Variants in ACTR6 observed in about 807,000 individuals in gnomAD.
The protein encoded by ACTR6 is actin-related protein 6.
A neutral mutation model predicts 52.5 loss-of-function variants in ACTR6; 50 were observed. That is an observed-to-expected ratio of 0.95 (90% CI 0.76 to 1.20). ACTR6 has a LOEUF of 1.20. Ranked by LOEUF, ACTR6 falls within the 50% of genes most tolerant of loss-of-function variation. The pLI is 0.00. For synonymous variants in ACTR6, 135 were observed against 147.2 expected (o/e 0.92, Z 0.60); for missense variants, 344 against 472.4 (o/e 0.73, Z 2.52).
Position 100,218,283 on chromosome 12 carries a change from A to C in ACTR6, c.751-132A>C, listed in dbSNP as rs2096125411. 3.6e-6 allele frequency: 2 copies of C among 562,278 alleles called. No individual in the cohort carries two copies. Among genetic ancestry groups the C allele is most frequent in the Non-Finnish European group, 5.1e-6 (2 of 393,680 alleles). 34.8% of individuals were successfully genotyped at this position (562,278 alleles called of 1,614,324 possible). On this transcript the variant is annotated intron_variant, in intron 8 of 10. Transcript: ENST00000188312. This position sits in a 1 kb window ranked among gnomAD's most constrained non-coding sequence, Gnocchi z 4.2. ...GCCACACATTCTTCTAAATTTTGAG[A>C]ATCCTGAAACTTCCAAGAACATTAT...
chr12:100,201,872 G>C (rs764997450), intron 1 of ACTR6, among the ~76,000 whole-genome samples: 9 of 151,818 alleles, frequency 5.9e-5, no homozygotes, highest in Non-Finnish European at 1.0e-4. Flanking sequence ...GTCTACCCGC[G>C]TTGGCCTCCC....
rs1203284906 is a variant in ACTR6 at position 100,220,050 on chromosome 12, G to A, written c.965G>A (p.Gly322Glu). Reference sequence around the variant, plus strand: ...TTTAAGAACATTGTCTTGACAGGAGGAAATTCCCTTTTCCCAGGATTTAGG... The same window carrying A: ...TTTAAGAACATTGTCTTGACAGGAGAAAATTCCCTTTTCCCAGGATTTAGG... ...HFFKNIVLTG[G>E]NSLFPGFRDR... The change falls in exon 10 of 11, where the codon GGA (glycine) becomes GAA (glutamate). Residue 322 changes from glycine (G) to glutamate (E), a missense_variant. Physicochemically the swap from Gly to Glu is moderately conservative, Grantham distance 98. Coordinates refer to ENST00000188312, the MANE Select transcript of ACTR6 (RefSeq NM_022496.5). The A allele has an allele frequency of 6.8e-6, 11 of 1,613,772 alleles. No individual in the cohort carries two copies. The highest frequency in any genetic ancestry group is 9.3e-6 in the Non-Finnish European group (11 of 1,179,938).
Position 100,207,050 on chromosome 12 carries a change from G to A in ACTR6, c.256-613G>A, listed in dbSNP as rs185823441. Among the ~76,000 whole-genome samples the A allele has an allele frequency of 2.8e-4, 42 of 151,754 alleles. No homozygotes were observed. The East Asian group carries it at 7.4e-3, about 27-fold the overall frequency. ...ATCATTCATTAATGTTTCTATAATT[G>A]TCTTTAAACAATTTTATGGTAACAT... is the stretch of plus-strand genomic sequence containing the variant. On this transcript the variant is annotated intron_variant, in intron 3 of 10. Coordinates refer to ENST00000188312, the MANE Select transcript of ACTR6 (RefSeq NM_022496.5).
Position 100,210,169 on chromosome 12 carries a change from C to G in ACTR6, c.476C>G (p.Pro159Arg), listed in dbSNP as rs752004612. The change falls in exon 5 of 11, where the codon CCT becomes CGT. Residue 159 changes from proline to arginine, a missense_variant. By Grantham distance (103) the Pro-to-Arg change is moderately radical. Coordinates refer to ENST00000188312, the MANE Select transcript of ACTR6 (RefSeq NM_022496.5). ...DSGYSFTHIVPYCRSKKKKEA... is the reference protein window; with the variant it reads ...DSGYSFTHIVRYCRSKKKKEA... ...GGATATTCCTTTACACATATAGTTC[C>G]TTATTGTAGAAGTAAAAAGAAAAAA... 6.2e-7 allele frequency: 1 copy of G among 1,606,126 alleles called. No individual in the cohort carries two copies. The highest frequency in any genetic ancestry group is 2.2e-5 in the East Asian group (1 of 44,754).
chr12:100,212,281 C>G lies in ACTR6; in HGVS notation c.598C>G (p.His200Asp), dbSNP rs953742921. The change falls in exon 7 of 11, where the codon CAT becomes GAT. Residue 200 changes from histidine to aspartate, a missense_variant. Physicochemically the swap from His to Asp is moderately conservative, Grantham distance 81. Coordinates refer to ENST00000188312, the MANE Select transcript of ACTR6 (RefSeq NM_022496.5). ...GCAGCTACATGTTATGGATGAAACA[C>G]ATGTGATTAATCAAGTGAAAGAAGA... Reference protein sequence around the residue: ...YRQLHVMDETHVINQVKEDVC... With the variant: ...YRQLHVMDETDVINQVKEDVC... 1 of 1,610,344 alleles carries G rather than the reference C, an allele frequency of 6.2e-7. No individual in the cohort carries two copies. Among genetic ancestry groups the G allele is most frequent in the African/African-American group, 1.3e-5 (1 of 74,798 alleles).
At position 100,223,949 on chromosome 12, in the gene ACTR6, G is replaced by C; in HGVS notation, c.*34G>C. ...TTTGAATGAAAGTTGTGACCATAAG[G>C]TTTAATTTCAAAGTTCCTTTTAAAA... On this transcript the variant is annotated 3_prime_UTR_variant, in exon 11 of 11. Transcript: ENST00000188312. 2 of 1,581,400 alleles carry C rather than the reference G, an allele frequency of 1.3e-6. No homozygotes were observed. Among genetic ancestry groups the C allele is most frequent in the Non-Finnish European group, 1.7e-6 (2 of 1,170,460 alleles).
rs954097485 is a variant in ACTR6, at chr12:100,224,015, G to A, written c.*100G>A. 1 of 1,346,044 alleles carries A rather than the reference G, an allele frequency of 7.4e-7. No individual in the cohort carries two copies. Among genetic ancestry groups the A allele is most frequent in the African/African-American group, 1.5e-5 (1 of 66,868 alleles). 83.4% of individuals were successfully genotyped at this position (1,346,044 alleles called of 1,614,324 possible). A position where few individuals can be genotyped will look rare whatever the true frequency, so the allele number is the denominator to read the frequency against. ...TGTTACCTTTTGTCCTAAGAAAAAG[G>A]CTTGAATTTATGTAAATACTTTGAT... On this transcript the variant is annotated 3_prime_UTR_variant, in exon 11 of 11. Coordinates refer to ENST00000188312, the MANE Select transcript of ACTR6 (RefSeq NM_022496.5).
At chr12:100,209,002 C>T (rs905838478) in intron 4 of ACTR6, 1 of 326,620 alleles carries the variant, frequency 3.1e-6, no homozygotes, top group Non-Finnish European at 6.0e-6. Context: ...CCGCCTTGGC[C>T]TCCCATAGTG....
intron 10 of ACTR6, among the ~76,000 whole-genome samples, chr12:100,220,390 T>C (rs1258367143): frequency 2.6e-5 from 4 of 152,206 alleles, no homozygotes; most frequent in Non-Finnish European, 5.9e-5. Context: ...GTATATGGGG[T>C]GATTACTCCC....
intron 6 of ACTR6, among the ~76,000 whole-genome samples, chr12:100,211,561 A>G (rs1446866848): frequency 3.3e-5 from 5 of 152,072 alleles, no homozygotes; most frequent in African/African-American, 1.2e-4. Context: ...GCGTAGCCAC[A>G]GCTCCCAGCA....
At chr12:100,201,165 C>T in intron 1 of ACTR6, 1 of 1,032,050 alleles carries the variant, frequency 9.7e-7, no homozygotes, top group Non-Finnish European at 1.3e-6. Flanking sequence ...AGGAAATAGC[C>T]AAAGAAAATA....
rs577661517 is a variant in ACTR6, at chr12:100,213,980, A to G, written c.750+1452A>G. Among the ~76,000 whole-genome samples the G allele has an allele frequency of 5.3e-5, 8 of 152,334 alleles. No individual in the cohort carries two copies. The South Asian group carries it at 1.7e-3, about 32-fold the overall frequency. ...GACCTGCCTAAATATCCACTAATGG[A>G]AGGAGATTAATTTTTGATATGTTCG... On this transcript the variant is annotated intron_variant, in intron 8 of 10. Coordinates refer to ENST00000188312, the MANE Select transcript of ACTR6 (RefSeq NM_022496.5).
Position 100,207,705 on chromosome 12 carries a change from T to C in ACTR6, c.298T>C (p.Phe100Leu). ...DTNIIITEPYFNFTSIQESMN... is the reference protein window; with the variant it reads ...DTNIIITEPYLNFTSIQESMN... ...TAATATTATTATCACTGAACCATAC[T>C]TTAACTTCACTTCAATTCAAGAATC... Residue 100 changes from phenylalanine to leucine, a missense_variant, in exon 4 of 11, where the codon TTT becomes CTT. Transcript: ENST00000188312. The C allele has an allele frequency of 6.3e-7, 1 of 1,585,612 alleles. No individual in the cohort carries two copies. The highest frequency in any genetic ancestry group is 8.6e-7 in the Non-Finnish European group (1 of 1,158,128).
At chr12:100,209,940 G>A (rs2096118468) in intron 4 of ACTR6, 133 bp from the exon 5 acceptor site, 1 of 658,436 alleles carries the variant, frequency 1.5e-6, no homozygotes, top group Non-Finnish European at 2.5e-6. Flanking sequence ...GTTATGAATA[G>A]TATTATAAAT....
Position 100,205,674 on chromosome 12 carries a change from A to G in ACTR6, c.187-2A>G, listed in dbSNP as rs191567788. 14 of 1,506,814 alleles carry G rather than the reference A, an allele frequency of 9.3e-6. No individual in the cohort carries two copies. In the Admixed American group the frequency reaches 2.5e-4, roughly 27 times the overall value. The allele number at this position is 1,506,814 out of a possible 1,614,324, so 93.3% of individuals were successfully genotyped here. ...AATTAAATTTATAAAAACATTTTTT[A>G]GGGCTACTTGGTGAATTGGGATGTT... On this transcript the variant is annotated splice_acceptor_variant, in intron 2 of 10. Transcript: ENST00000188312. LOFTEE classifies it high-confidence loss of function.
Position 100,218,502 on chromosome 12 carries a change from A to G in ACTR6, c.838A>G (p.Ile280Val). 6.2e-7 allele frequency: 1 copy of G among 1,606,960 alleles called. No homozygotes were observed. Among genetic ancestry groups the G allele is most frequent in the Non-Finnish European group, 8.5e-7 (1 of 1,176,670 alleles). The change falls in exon 9 of 11, where the codon ATA becomes GTA. Residue 280 changes from isoleucine to valine, a missense_variant. Transcript: ENST00000188312. This position sits in a 1 kb window ranked among gnomAD's most constrained non-coding sequence, Gnocchi z 4.2. ...CAATGAGAGATTTGCTGTTCCGGAA[A>G]TACTCTTTAATCCTTCTGATATAGG... ...LANERFAVPEILFNPSDIGIQ... is the reference protein window; with the variant it reads ...LANERFAVPEVLFNPSDIGIQ...
In ACTR6 at chr12:100,207,780, G is replaced by A; in HGVS notation, c.373G>A (p.Val125Ile). The A allele has an allele frequency of 6.3e-7, 1 of 1,595,898 alleles. No homozygotes were observed. The highest frequency in any genetic ancestry group is 8.6e-7 in the Non-Finnish European group (1 of 1,167,046). Residue 125 changes from valine (V) to isoleucine (I), a missense_variant, in exon 4 of 11, where the codon GTA becomes ATA. Val to Ile is a conservative substitution (Grantham distance 29). Coordinates refer to ENST00000188312, the MANE Select transcript of ACTR6 (RefSeq NM_022496.5). ...ATACCAGTTTCAAGCAGTATTAAGAGTAAATGGTGAGTTCAAGTTTTCACT... is the reference window on the plus strand; with the variant it reads ...ATACCAGTTTCAAGCAGTATTAAGAATAAATGGTGAGTTCAAGTTTTCACT... ...EEYQFQAVLR[V>I]NAGALSAHRY... is the part of the protein sequence containing the mutation.
At chr12:100,222,719 AT>A (rs1230350866) in intron 10 of ACTR6, among the ~76,000 whole-genome samples, 2 of 152,068 alleles carry the variant, frequency 1.3e-5, no homozygotes, top group African/African-American at 4.8e-5. Flanking sequence ...TTGATTTAAC[AT>A]TTTTCTTTAC....
intron 8 of ACTR6, among the ~76,000 whole-genome samples, chr12:100,215,878 G>C (rs112457306): frequency 0.035 from 5,369 of 152,114 alleles, 125 homozygotes; most frequent in South Asian, 0.073. Context: ...CTTGAATTTT[G>C]ATAGTTTCAA....
Sources: gnomAD v4.1 joint callset for allele counts (sites outside exome capture counted in the v4.1 genomes callset) on GRCh38, gnomAD v4.1.1 for gene constraint, Gnocchi (gnomAD v3.1) non-coding constraint, MANE v1.5 for transcripts, NCBI Gene and HGNC (gene_info 2026-07-23, HGNC 2026-07-21) for gene names.